The following PRKN variants were observed in gnomAD, a reference collection of about 807,000 sequenced individuals.
The protein encoded by PRKN is parkin RBR E3 ubiquitin protein ligase.
A neutral mutation model predicts 59.5 loss-of-function variants in PRKN; 56 were observed. The ratio of observed to expected loss-of-function variants is 0.94; its 90% CI spans 0.76 to 1.18. The LOEUF is 1.18. PRKN is among the 50% of genes most tolerant of loss of function. The pLI, the probability that PRKN is intolerant of heterozygous loss-of-function variation, is 0.00. For missense variants in PRKN, 657 were observed against 596.4 expected (o/e 1.10, Z -1.06); for synonymous variants, 250 against 222.1 (o/e 1.13, Z -1.12).
intron 2 of PRKN, among the ~76,000 whole-genome samples, chr6:162,420,306 C>G: frequency 6.6e-6 from 1 of 152,008 alleles, no homozygotes; most frequent in Admixed American, 6.6e-5. Context: ...TTTAAAATAC[C>G]ATAGCCTGAG....
chr6:161,712,547 T>G (rs534494389), intron 7 of PRKN, among the ~76,000 whole-genome samples: 6 of 152,348 alleles, frequency 3.9e-5, no homozygotes, highest in Non-Finnish European at 8.8e-5. Context: ...TCTAGGAGTC[T>G]CATTCCATTT....
chr6:161,541,832 A>G (rs1779626426), intron 9 of PRKN, among the ~76,000 whole-genome samples: 1 of 152,202 alleles, frequency 6.6e-6, no homozygotes, highest in Admixed American at 6.5e-5. Flanking sequence ...AAAAGAAAAA[A>G]AAAAAACAGT....
intron 1 of PRKN, among the ~76,000 whole-genome samples, chr6:162,658,674 G>GA (rs749187156): frequency 1.0e-5 from 1 of 97,130 alleles, no homozygotes; most frequent in Non-Finnish European, 2.1e-5. Flanking sequence ...AAAAAAAAAA[G>GA]AAAAAAAAAA....
chr6:162,409,790 T>G (rs1467975124), intron 2 of PRKN, among the ~76,000 whole-genome samples: 2 of 152,088 alleles, frequency 1.3e-5, no homozygotes, highest in African/African-American at 4.8e-5. Context: ...TAGAAACAGC[T>G]CTCAGAGAAG....
At position 161,473,549 on chromosome 6, in the gene PRKN, A is replaced by G. The variant is rs1186376825; in HGVS notation, c.1083+75305T>C. On this transcript the variant is annotated intron_variant, in intron 9 of 11. Coordinates refer to ENST00000366898, the MANE Select transcript of PRKN (RefSeq NM_004562.3). The surrounding 1 kb of genome is among the most constrained non-coding windows in gnomAD (Gnocchi z 4.1). The stretch of plus-strand genomic sequence containing the variant: ...AAAATGTCAAATATATAGAGACAGA[A>G]TAAAATGGTGGTTACCGGAAGTGGT... Among the ~76,000 whole-genome samples, 1 of 152,042 alleles carries G rather than the reference A, an allele frequency of 6.6e-6. No homozygotes were observed. Among genetic ancestry groups the G allele is most frequent in the Non-Finnish European group, 1.5e-5 (1 of 68,008 alleles).
intron 4 of PRKN, among the ~76,000 whole-genome samples, chr6:162,148,297 A>C (rs1782115061): frequency 6.6e-6 from 1 of 152,060 alleles, no homozygotes; most frequent in African/African-American, 2.4e-5. Context: ...TTATCTGATG[A>C]GTTTGACCCT....
intron 1 of PRKN, among the ~76,000 whole-genome samples, chr6:162,514,104 A>G (rs1372517675): frequency 1.3e-5 from 2 of 152,136 alleles, no homozygotes; most frequent in African/African-American, 2.4e-5. Context: ...AGGAAGAACA[A>G]TTGTGTTTAT....
intron 4 of PRKN, among the ~76,000 whole-genome samples, chr6:162,164,145 T>C (rs1782878372): frequency 6.7e-6 from 1 of 149,362 alleles, no homozygotes; most frequent in South Asian, 2.1e-4. Flanking sequence ...AGAAATGTAA[T>C]GTTATTTAAC....
At chr6:161,919,512 C>A (rs1481817644) in intron 6 of PRKN, among the ~76,000 whole-genome samples, 1 of 152,106 alleles carries the variant, frequency 6.6e-6, no homozygotes, top group African/African-American at 2.4e-5. Flanking sequence ...AAATTATACC[C>A]CAATAAAGTT....
chr6:162,630,998 C>T (rs1035444932), intron 1 of PRKN, among the ~76,000 whole-genome samples: 1 of 152,110 alleles, frequency 6.6e-6, no homozygotes, highest in Non-Finnish European at 1.5e-5. Context: ...CAGGAAATTA[C>T]AGTTATTAGT....
chr6:162,041,075 C>T (rs1050478836), intron 5 of PRKN, among the ~76,000 whole-genome samples: 1 of 151,972 alleles, frequency 6.6e-6, no homozygotes, highest in Non-Finnish European at 1.5e-5. Context: ...GTCCCAGCTA[C>T]TCGGGAGGCT....
chr6:162,192,999 C>A (rs1237016295), intron 4 of PRKN, among the ~76,000 whole-genome samples: 3 of 152,098 alleles, frequency 2.0e-5, no homozygotes, highest in Non-Finnish European at 2.9e-5. Flanking sequence ...TTCTGTCTCC[C>A]TTTTTCTTAA....
intron 2 of PRKN, among the ~76,000 whole-genome samples, chr6:162,389,213 C>A (rs960337061): frequency 4.6e-5 from 7 of 151,978 alleles, no homozygotes; most frequent in Non-Finnish European, 8.8e-5. Context: ...ATGGGCCACA[C>A]AACATATAGG....
At chr6:161,605,282 T>C (rs1041996907) in intron 7 of PRKN, among the ~76,000 whole-genome samples, 9 of 152,156 alleles carry the variant, frequency 5.9e-5, no homozygotes, top group African/African-American at 2.2e-4. Context: ...TGAGAAAACA[T>C]ATATACAGCT....
intron 7 of PRKN, among the ~76,000 whole-genome samples, chr6:161,598,156 G>T (rs1220400821): frequency 6.6e-6 from 1 of 152,202 alleles, no homozygotes; most frequent in Non-Finnish European, 1.5e-5. Context: ...CTAATTGAAT[G>T]AATAGATAAA....
chr6:162,435,039 A>G (rs1273351800), intron 2 of PRKN, among the ~76,000 whole-genome samples: 1 of 152,238 alleles, frequency 6.6e-6, no homozygotes, highest in Non-Finnish European at 1.5e-5. Context: ...CATCAGGTCA[A>G]TTGGATGATG....
Position 161,639,861 on chromosome 6 carries a change from C to T in PRKN, c.872-70445G>A, listed in dbSNP as rs1443887966. ...TGATATTTTTGCACAAGGCGCAATG[C>T]CTACCACCCCATCAAATTCTGCTCT... On this transcript the variant is annotated intron_variant, in intron 7 of 11. Transcript: ENST00000366898. Among the ~76,000 whole-genome samples, 6 of 152,232 alleles carry T rather than the reference C, an allele frequency of 3.9e-5. No individual in the cohort carries two copies. In the East Asian group the frequency reaches 9.6e-4, roughly 24 times the overall value.
chr6:162,603,247 C>A (rs1283545104), intron 1 of PRKN, among the ~76,000 whole-genome samples: 1 of 152,090 alleles, frequency 6.6e-6, no homozygotes, highest in Non-Finnish European at 1.5e-5. Flanking sequence ...CAACAGTCTG[C>A]GAATTCCTAC....
intron 9 of PRKN, among the ~76,000 whole-genome samples, chr6:161,537,703 A>ATCCCG (rs1779475715): frequency 6.6e-6 from 1 of 152,014 alleles, no homozygotes; most frequent in Non-Finnish European, 1.5e-5. Flanking sequence ...CGCCCGCCTT[A>ATCCCG]GCCTCCCAAA....
Sources: gnomAD v4.1 joint callset for allele counts (sites outside exome capture counted in the v4.1 genomes callset) on GRCh38, gnomAD v4.1.1 for gene constraint, Gnocchi (gnomAD v3.1) non-coding constraint, MANE v1.5 for transcripts, NCBI Gene and HGNC (gene_info 2026-07-23, HGNC 2026-07-21) for gene names.